The following AKAP13 variants were observed in gnomAD, a reference collection of about 807,000 sequenced individuals.
AKAP13 encodes A-kinase anchor protein 13.
Under a neutral mutation model 264.5 loss-of-function variants are expected in AKAP13, and 80 were observed. The observed-to-expected ratio is 0.30, with a 90% CI of 0.25 to 0.36. AKAP13 has a LOEUF of 0.36. Among genes scored for constraint, AKAP13 ranks in the 10% least tolerant of loss-of-function variants. The probability of loss-of-function intolerance (pLI) is 1.00; values close to 1 mark genes in which losing one functional copy is unlikely to be tolerated. For synonymous variants in AKAP13, 1,380 were observed against 1,250.2 expected (o/e 1.10, Z -2.19); for missense variants, 3,712 against 3,435.2 (o/e 1.08, Z -2.01).
intron 4 of AKAP13, chr15:85,535,530 A>C (rs907410323): frequency 1.3e-5 from 2 of 152,212 alleles, no homozygotes; most frequent in African/African-American, 4.8e-5. Flanking sequence ...CTCATGCCTT[A>C]TATAAACCTG....
At chr15:85,731,557 G>C (rs2614671) in intron 30 of AKAP13, among the ~76,000 whole-genome samples, 2 of 152,270 alleles carry the variant, frequency 1.3e-5, no homozygotes, top group African/African-American at 4.8e-5. Context: ...ATTCAGAGGC[G>C]TAATTAATTA....
chr15:85,556,103 C>CGTTT (rs1407824779), intron 5 of AKAP13, among the ~76,000 whole-genome samples: 2 of 152,064 alleles, frequency 1.3e-5, no homozygotes, highest in Non-Finnish European at 2.9e-5. Context: ...AGATTGTGGC[C>CGTTT]GTTTCACTTA....
chr15:85,431,429 A>G (rs1326272545), intron 1 of AKAP13, among the ~76,000 whole-genome samples: 2 of 152,222 alleles, frequency 1.3e-5, no homozygotes, highest in African/African-American at 4.8e-5. Flanking sequence ...GTGGTAGTAC[A>G]TTCTTTAAAG....
At chr15:85,657,563 T>C (rs2083158269) in intron 11 of AKAP13, among the ~76,000 whole-genome samples, 2 of 152,216 alleles carry the variant, frequency 1.3e-5, no homozygotes, top group Middle Eastern at 3.2e-3. Context: ...AAATGCCGTT[T>C]CTATAATTCC....
At chr15:85,493,503 G>A (rs2075791078) in intron 2 of AKAP13, among the ~76,000 whole-genome samples, 3 of 152,146 alleles carry the variant, frequency 2.0e-5, no homozygotes. Flanking sequence ...AAACTGTAAG[G>A]AAATCCTTAC....
At position 85,592,600 on chromosome 15, in the gene AKAP13, A is replaced by T. The variant is rs527852816; in HGVS notation, c.4161+6777A>T. ...TTATCTGCATACATTTTTGGCATGT[A>T]AGAGAGGCAGGCTCTCCTTAAATTA... On this transcript the variant is annotated intron_variant, in intron 8 of 36. Coordinates refer to ENST00000394518, the MANE Select transcript of AKAP13 (RefSeq NM_007200.5). 7.2e-5 allele frequency among the ~76,000 whole-genome samples: 11 copies of T among 152,334 alleles called. No homozygotes were observed. The South Asian group carries it at 2.1e-3, about 29-fold the overall frequency.
At chr15:85,603,212 C>A (rs1027744626) in intron 8 of AKAP13, among the ~76,000 whole-genome samples, 1 of 152,198 alleles carries the variant, frequency 6.6e-6, no homozygotes, top group Non-Finnish European at 1.5e-5. Flanking sequence ...AGTGATTTTT[C>A]TCAAGACAGG....
rs989936633 is a variant in AKAP13, at chr15:85,653,959, T to A, written c.4375-1458T>A. ...CGCTCCCTCTCAGGTTCAAGAGATT[T>A]TCCTTCCTCAGCCTCCCCAGTAGCT... On this transcript the variant is annotated intron_variant, in intron 10 of 36. Coordinates refer to ENST00000394518, the MANE Select transcript of AKAP13 (RefSeq NM_007200.5). Among the ~76,000 whole-genome samples the A allele has an allele frequency of 5.3e-5, 8 of 152,302 alleles. No individual in the cohort carries two copies. In the East Asian group the frequency reaches 1.5e-3, roughly 29 times the overall value.
chr15:85,523,815 CT>C (rs1432109814), intron 3 of AKAP13, among the ~76,000 whole-genome samples: 2 of 151,070 alleles, frequency 1.3e-5, no homozygotes, highest in African/African-American at 2.4e-5. Context: ...CCCCGCCCCC[CT>C]TTTTTTGTTT....
intron 29 of AKAP13, among the ~76,000 whole-genome samples, chr15:85,729,897 G>A (rs910597894): frequency 6.6e-6 from 1 of 151,884 alleles, no homozygotes; most frequent in African/African-American, 2.4e-5. Flanking sequence ...TGAGCCAAGA[G>A]TGCACCATTG....
Position 85,630,270 on chromosome 15 carries a change from C to CACACACACACACAT in AKAP13, c.4162-9101_4162-9100insCACACACACATACA, listed in dbSNP as rs1567164701. On this transcript the variant is annotated intron_variant, in intron 8 of 36. Transcript: ENST00000394518. ...ACACACACACACACACACACACAAA[C>CACACACACACACAT]ACAATGAACTAAGATGGAAAATTGT... 1.4e-5 allele frequency among the ~76,000 whole-genome samples: 2 copies of CACACACACACACAT among 145,992 alleles called. 1 individual carries two copies. Among genetic ancestry groups the CACACACACACACAT allele is most frequent in the Non-Finnish European group, 3.0e-5 (2 of 66,340 alleles).
In AKAP13 at chr15:85,747,660, ACAAT is replaced by A. The variant is rs1486517153; in HGVS notation, c.*2987_*2990del. 2 of 152,614 alleles carry A rather than the reference ACAAT, an allele frequency of 1.3e-5. No individual in the cohort carries two copies. Among genetic ancestry groups the A allele is most frequent in the African/African-American group, 2.4e-5 (1 of 41,426 alleles). 9.5% of individuals were successfully genotyped at this position (152,614 alleles called of 1,614,324 possible). A position where few individuals can be genotyped will look rare whatever the true frequency, so the allele number is the denominator to read the frequency against. ...CTCATCGGTTGGCTTCATTTTCAAG[ACAAT>A]CAAATGTATTGACTGTGTTTTCTTC... On this transcript the variant is annotated 3_prime_UTR_variant, in exon 37 of 37. Transcript: ENST00000394518.
chr15:85,580,361 G>A lies in AKAP13; in HGVS notation c.2293G>A (p.Val765Ile), dbSNP rs1481021678. Residue 765 changes from valine (V) to isoleucine (I), a missense_variant, in exon 7 of 37, where the codon GTT becomes ATT. Physicochemically the swap from Val to Ile is conservative, Grantham distance 29 (BLOSUM62 3). Transcript: ENST00000394518. ...MLEVVSHPHP[V>I]VPKMEKELVP... is the part of the protein sequence containing the mutation. ...TGAGGTGGTTTCACATCCACATCCAGTTGTCCCTAAAATGGAGAAAGAACT... is the reference window on the plus strand; with the variant it reads ...TGAGGTGGTTTCACATCCACATCCAATTGTCCCTAAAATGGAGAAAGAACT... 3 of 1,614,104 alleles carry A rather than the reference G, an allele frequency of 1.9e-6. No individual in the cohort carries two copies. Among genetic ancestry groups the A allele is most frequent in the Non-Finnish European group, 2.5e-6 (3 of 1,180,038 alleles).
chr15:85,489,031 T>C (rs1044658112), intron 2 of AKAP13, among the ~76,000 whole-genome samples: 14 of 152,256 alleles, frequency 9.2e-5, no homozygotes, highest in African/African-American at 3.4e-4. Flanking sequence ...CTTGCCATCA[T>C]GGAGCCTGAG....
intron 1 of AKAP13, among the ~76,000 whole-genome samples, chr15:85,463,971 A>G (rs548906699): frequency 1.3e-5 from 2 of 152,264 alleles, no homozygotes; most frequent in African/African-American, 2.4e-5. Context: ...ACAGCCAGGT[A>G]GTATGTACTG....
At chr15:85,536,657 T>C (rs950428579) in intron 4 of AKAP13, 1 of 152,220 alleles carries the variant, frequency 6.6e-6, no homozygotes, top group Non-Finnish European at 1.5e-5. Context: ...AGAAGCAAAC[T>C]GTTGACATGT....
At chr15:85,615,712 A>G (rs1436431130) in intron 8 of AKAP13, among the ~76,000 whole-genome samples, 1 of 152,212 alleles carries the variant, frequency 6.6e-6, no homozygotes, top group East Asian at 1.9e-4. Flanking sequence ...ATGCAGGAAT[A>G]ATGTTTTCTG....
At chr15:85,430,542 T>C (rs1401006134) in intron 1 of AKAP13, among the ~76,000 whole-genome samples, 1 of 152,206 alleles carries the variant, frequency 6.6e-6, no homozygotes, top group African/African-American at 2.4e-5. Context: ...AAAGGCTATA[T>C]GTTGTACTTC....
chr15:85,652,678 A>T (rs1264217402), intron 10 of AKAP13, among the ~76,000 whole-genome samples: 1 of 152,132 alleles, frequency 6.6e-6, no homozygotes, highest in Non-Finnish European at 1.5e-5. Context: ...GAGGCTGGAG[A>T]TCCTAATCAC....
Sources: gnomAD v4.1 joint callset for allele counts (sites outside exome capture counted in the v4.1 genomes callset) on GRCh38, gnomAD v4.1.1 for gene constraint, MANE v1.5 for transcripts, NCBI Gene and HGNC (gene_info 2026-07-23, HGNC 2026-07-21) for gene names.